Variants in CADPS2 observed in about 807,000 individuals in gnomAD.
The protein encoded by CADPS2 is calcium dependent secretion activator 2.
CADPS2 carries 93 observed loss-of-function variants against 172.5 expected under a neutral mutation model. That is an observed-to-expected ratio of 0.54 (90% confidence interval 0.46 to 0.64). CADPS2 has a LOEUF of 0.64. Among genes scored for constraint, CADPS2 ranks in the 30% least tolerant of loss-of-function variants. CADPS2 has a pLI of 0.00. For missense variants in CADPS2, 1,420 were observed against 1,565.9 expected, an observed-to-expected ratio of 0.91 and a Z score of 1.57; for synonymous variants, 546 against 555.2, an observed-to-expected ratio of 0.98 and a Z score of 0.23.
chr7:122,707,035 G>T (rs146796142), intron 2 of CADPS2, among the ~76,000 whole-genome samples: 205 of 151,898 alleles, frequency 1.3e-3, no homozygotes, highest in African/African-American at 4.8e-3. Flanking sequence ...GAAGGGTGAA[G>T]ATTTGAATGC....
intron 2 of CADPS2, among the ~76,000 whole-genome samples, chr7:122,717,300 C>T (rs965500674): frequency 1.8e-4 from 27 of 152,068 alleles, no homozygotes; most frequent in African/African-American, 6.3e-4. Flanking sequence ...AGTAGCAATG[C>T]CTGAGTAGTC....
chr7:122,704,866 TCTAGCGAGTACACA>T, intron 2 of CADPS2, among the ~76,000 whole-genome samples: 1 of 152,168 alleles, frequency 6.6e-6, no homozygotes, highest in South Asian at 2.1e-4. Flanking sequence ...GCTACCAGCA[TCTAGCGAGTACACA>T]CCAGCGTTGC....
chr7:122,398,736 T>TC lies in CADPS2; in HGVS notation c.2747-5155dup, dbSNP rs1192507333. On this transcript the variant is annotated intron_variant, in intron 20 of 29. Transcript: ENST00000449022. ...ACAGCATTATGTAAAAGGAAAACAC[T>TC]CTTCTCTCTCTCTCTCTCTCTCTCT... Among the ~76,000 whole-genome samples the TC allele has an allele frequency of 3.0e-5, 4 of 134,236 alleles. No individual in the cohort carries two copies. In the East Asian group the frequency reaches 1.0e-3, roughly 34 times the overall value. 88.1% of individuals were successfully genotyped at this position (134,236 alleles called of 152,430 possible).
rs767680624 is a variant in CADPS2 at position 122,327,420 on chromosome 7, TG to T, written c.3613-1840del. On this transcript the variant is annotated intron_variant, in intron 28 of 29. Transcript: ENST00000449022. ...TGACTCTTAAAAATTACAGTTATTT[TG>T]CAAGGGATAGTAAATATTTCTTTCT... is the stretch of plus-strand genomic sequence containing the variant. Among the ~76,000 whole-genome samples the T allele has an allele frequency of 5.5e-4, 84 of 152,238 alleles. 1 individual carries two copies. The highest frequency in any genetic ancestry group is 1.1e-3 in the Non-Finnish European group (77 of 67,952).
At chr7:122,654,657 C>T (rs1373443069) in intron 3 of CADPS2, among the ~76,000 whole-genome samples, 1 of 152,088 alleles carries the variant, frequency 6.6e-6, no homozygotes, top group African/African-American at 2.4e-5. Context: ...ACTTAGTAAC[C>T]CAAGGGTTCT....
intron 25 of CADPS2, among the ~76,000 whole-genome samples, chr7:122,377,980 G>T (rs1487573983): frequency 6.6e-6 from 1 of 152,120 alleles, no homozygotes; most frequent in African/African-American, 2.4e-5. Flanking sequence ...CCATTACCCA[G>T]AGAAAAGCTC....
chr7:122,691,532 C>T (rs2084363566), intron 2 of CADPS2, among the ~76,000 whole-genome samples: 1 of 152,218 alleles, frequency 6.6e-6, no homozygotes, highest in Non-Finnish European at 1.5e-5. Context: ...CATGCAACCC[C>T]AGGCAAGGTG....
At chr7:122,680,476 G>A (rs1401001015) in intron 2 of CADPS2, among the ~76,000 whole-genome samples, 2 of 152,188 alleles carry the variant, frequency 1.3e-5, no homozygotes, top group African/African-American at 4.8e-5. Context: ...CACTTTGGGA[G>A]ACCAAGGTGG....
intron 1 of CADPS2, among the ~76,000 whole-genome samples, chr7:122,760,399 AC>A (rs2093338140): frequency 6.6e-6 from 1 of 152,114 alleles, no homozygotes; most frequent in East Asian, 1.9e-4. Context: ...AACACATCTC[AC>A]TAAAAGTAAA....
chr7:122,548,346 C>A (rs1390367578), intron 8 of CADPS2, among the ~76,000 whole-genome samples: 5 of 151,886 alleles, frequency 3.3e-5, no homozygotes, highest in African/African-American at 9.7e-5. Context: ...GCACTACAGC[C>A]TGGGAGACAG....
chr7:122,767,093 T>C (rs937669875), intron 1 of CADPS2, among the ~76,000 whole-genome samples: 1 of 152,194 alleles, frequency 6.6e-6, no homozygotes, highest in Non-Finnish European at 1.5e-5. Context: ...AAGCAGGTTT[T>C]AGTGCAATTA....
chr7:122,666,159 G>A (rs1469016140), intron 2 of CADPS2, among the ~76,000 whole-genome samples: 1 of 152,052 alleles, frequency 6.6e-6, no homozygotes, highest in African/African-American at 2.4e-5. Context: ...TTACACATAT[G>A]ACCTTATATA....
intron 1 of CADPS2, among the ~76,000 whole-genome samples, chr7:122,795,624 T>C (rs892564872): frequency 6.6e-6 from 1 of 152,114 alleles, no homozygotes; most frequent in Non-Finnish European, 1.5e-5. Context: ...CATGAGAATC[T>C]CAATCTATGT....
intron 1 of CADPS2, among the ~76,000 whole-genome samples, chr7:122,775,466 CAG>C (rs2139215118): frequency 6.6e-6 from 1 of 152,308 alleles, no homozygotes; most frequent in South Asian, 2.1e-4. Context: ...TGAGAAAACT[CAG>C]AGCCCAGGAA....
In CADPS2 at chr7:122,655,570, T is replaced by G. The variant is rs1049064429; in HGVS notation, c.786+7667A>C. On this transcript the variant is annotated intron_variant, in intron 3 of 29. Transcript: ENST00000449022. ...CTATTATACCCCTAATAGACCACAG[T>G]ACAGTAAAACATAAATTTTATATGC... 3.9e-5 allele frequency among the ~76,000 whole-genome samples: 6 copies of G among 152,012 alleles called. 1 individual carries two copies. The highest frequency in any genetic ancestry group is 3.3e-4 in the Admixed American group (5 of 15,204).
intron 1 of CADPS2, among the ~76,000 whole-genome samples, chr7:122,806,431 CAATT>C (rs1240547066): frequency 1.3e-5 from 2 of 152,090 alleles, no homozygotes; most frequent in African/African-American, 4.8e-5. Context: ...ATTTATTGCC[CAATT>C]AATTATCTCT....
intron 1 of CADPS2, among the ~76,000 whole-genome samples, chr7:122,811,602 C>T (rs1800035433): frequency 6.6e-6 from 1 of 151,752 alleles, no homozygotes; most frequent in South Asian, 2.1e-4. Context: ...TTTCAGTCAC[C>T]AATAATTGAA....
intron 8 of CADPS2, among the ~76,000 whole-genome samples, chr7:122,538,140 A>T (rs1563633773): frequency 6.7e-6 from 1 of 150,020 alleles, no homozygotes; most frequent in Non-Finnish European, 1.5e-5. Flanking sequence ...ACTTATACAA[A>T]TTCAGTAAAA....
In CADPS2 at chr7:122,626,374, C is replaced by T. The variant is rs535896514; in HGVS notation, c.867+2874G>A. 4.6e-5 allele frequency among the ~76,000 whole-genome samples: 7 copies of T among 152,244 alleles called. 1 individual carries two copies. The highest frequency in any genetic ancestry group is 1.7e-4 in the African/African-American group (7 of 41,538). ...TAACAACTGTCACATTCTGGAAATA[C>T]TGTGAAGGTAAAGATAAAGGATTTC... On this transcript the variant is annotated intron_variant, in intron 4 of 29. Transcript: ENST00000449022.
Sources: gnomAD v4.1 joint callset for allele counts (sites outside exome capture counted in the v4.1 genomes callset) on GRCh38, gnomAD v4.1.1 for gene constraint, MANE v1.5 for transcripts, NCBI Gene and HGNC (gene_info 2026-07-23, HGNC 2026-07-21) for gene names.